CIT: variants seen among roughly 807,000 people sequenced by gnomAD.
The protein encoded by CIT is citron rho-interacting serine/threonine kinase, also known as citron Rho-interacting kinase.
A neutral mutation model predicts 272.7 loss-of-function variants in CIT; 79 were observed. The ratio of observed to expected loss-of-function variants is 0.29; its 90% CI spans 0.24 to 0.35. The LOEUF (loss-of-function observed/expected upper bound fraction) is 0.35, where lower values mean the gene tolerates loss of function less well. Among genes scored for constraint, CIT ranks in the 10% least tolerant of loss-of-function variants. The probability of loss-of-function intolerance (pLI) is 1.00; values close to 1 mark genes in which losing one functional copy is unlikely to be tolerated. For synonymous variants in CIT, 948 were observed against 995.6 expected (o/e 0.95, Z 0.90); for missense variants, 1,909 against 2,618.3 (o/e 0.73, Z 5.91).
At chr12:119,814,640 G>A (rs1966971296) in intron 9 of CIT, among the ~76,000 whole-genome samples, 1 of 152,206 alleles carries the variant, frequency 6.6e-6, no homozygotes, top group African/African-American at 2.4e-5. Context: ...TGATCCTCAT[G>A]GAACTAGCTT....
intron 46 of CIT, among the ~76,000 whole-genome samples, chr12:119,692,201 C>T (rs916240831): frequency 5.9e-5 from 9 of 152,170 alleles, no homozygotes; most frequent in African/African-American, 2.2e-4. Context: ...GTAGTCCTAG[C>T]TATTAGGAAG....
chr12:119,789,862 C>G (rs1368148853), intron 10 of CIT, among the ~76,000 whole-genome samples: 3 of 151,710 alleles, frequency 2.0e-5, no homozygotes, highest in Non-Finnish European at 2.9e-5. Context: ...CACGCCACCA[C>G]GCCCAGCAAA....
intron 23 of CIT, among the ~76,000 whole-genome samples, chr12:119,745,665 T>C (rs1036511309): frequency 1.5e-4 from 23 of 152,056 alleles, no homozygotes; most frequent in African/African-American, 5.6e-4. Context: ...AGAAGAGAAT[T>C]ATAACGTTCC....
At chr12:119,861,182 C>T (rs935687459) in intron 3 of CIT, among the ~76,000 whole-genome samples, 10 of 151,860 alleles carry the variant, frequency 6.6e-5, no homozygotes, top group African/African-American at 2.4e-4. Flanking sequence ...GACCCCAAAA[C>T]CGTCACATCA....
At chr12:119,722,419 C>T (rs749938035) in intron 28 of CIT, among the ~76,000 whole-genome samples, 1 of 152,182 alleles carries the variant, frequency 6.6e-6, no homozygotes, top group Non-Finnish European at 1.5e-5. Flanking sequence ...CAAACTCCTC[C>T]ATCCCAGCAG....
At chr12:119,797,699 G>A (rs905907220) in intron 10 of CIT, among the ~76,000 whole-genome samples, 1 of 152,214 alleles carries the variant, frequency 6.6e-6, no homozygotes, top group East Asian at 1.9e-4. Context: ...AGGACCAAGA[G>A]CCTTTGGCTG....
rs530805875 is a variant in CIT at position 119,768,684 on chromosome 12, A to C, written c.2209-1502T>G. On this transcript the variant is annotated intron_variant, in intron 18 of 47. Transcript: ENST00000392521. The surrounding 1 kb of genome is among the most constrained non-coding windows in gnomAD (Gnocchi z 4.3). ...ATGTGATCTTGAAGAGTTGAAAATA[A>C]ACAGGATTAATAAAAACATATTTTA... Among the ~76,000 whole-genome samples the C allele has an allele frequency of 8.7e-4, 132 of 152,354 alleles. 1 individual carries two copies. Among genetic ancestry groups the C allele is most frequent in the African/African-American group, 3.0e-3 (123 of 41,578 alleles).
At chr12:119,748,578 C>T (rs1028967610) in intron 23 of CIT, among the ~76,000 whole-genome samples, 13 of 152,146 alleles carry the variant, frequency 8.5e-5, no homozygotes, top group African/African-American at 2.9e-4. Context: ...GCTATCATGC[C>T]GATGGCTTAC....
At chr12:119,834,407 C>G (rs1330961099) in intron 5 of CIT, among the ~76,000 whole-genome samples, 179 bp from the exon 6 acceptor site, 1 of 152,218 alleles carries the variant, frequency 6.6e-6, no homozygotes, top group Non-Finnish European at 1.5e-5. Context: ...GAAATTACAT[C>G]TGTTACCCAG....
chr12:119,781,901 C>A (rs1414691037), intron 13 of CIT, among the ~76,000 whole-genome samples: 1 of 152,140 alleles, frequency 6.6e-6, no homozygotes, highest in African/African-American at 2.4e-5. Flanking sequence ...TTGTTTTTAA[C>A]CATCTAAAGC....
chr12:119,715,282 A>G (rs1047498338), intron 32 of CIT, among the ~76,000 whole-genome samples: 2 of 152,222 alleles, frequency 1.3e-5, no homozygotes, highest in Non-Finnish European at 2.9e-5. Flanking sequence ...CAGTGTGAAA[A>G]TGGACTAATG....
intron 25 of CIT, 134 bp downstream of exon 25, chr12:119,735,026 A>C (rs1457153725): frequency 2.5e-6 from 2 of 796,382 alleles, no homozygotes; most frequent in Non-Finnish European, 4.1e-6. Context: ...GCTTGGAAAA[A>C]AGACATGATT....
chr12:119,707,906 A>T (rs1414396368), intron 40 of CIT, among the ~76,000 whole-genome samples: 1 of 152,206 alleles, frequency 6.6e-6, no homozygotes, highest in Non-Finnish European at 1.5e-5. Context: ...CTTTGAAGCC[A>T]AGGATAATTA....
intron 40 of CIT, 66 bp from the exon 41 acceptor site, chr12:119,704,521 G>C: frequency 7.1e-7 from 1 of 1,400,742 alleles, no homozygotes. Flanking sequence ...GGCAAAACTA[G>C]GAAAAGCTCT....
At chr12:119,691,407 G>A (rs1955939164) in intron 46 of CIT, among the ~76,000 whole-genome samples, 2 of 152,126 alleles carry the variant, frequency 1.3e-5, no homozygotes, top group South Asian at 2.1e-4. Flanking sequence ...CCTGGGCCTC[G>A]TGTTTGGTCA....
chr12:119,868,038 G>A (rs1053131430), intron 3 of CIT, among the ~76,000 whole-genome samples: 1 of 152,138 alleles, frequency 6.6e-6, no homozygotes, highest in Non-Finnish European at 1.5e-5. Flanking sequence ...AAACCAGCCT[G>A]GGTAACATAG....
chr12:119,784,829 G>A lies in CIT; in HGVS notation c.1401+131C>T, dbSNP rs777086933. ...GAGCTGCTGGAGGCGCGACTTCAGCGAAGGCAGGAGCGCCTCACTCTCTAC... is the reference window on the plus strand; with the variant it reads ...GAGCTGCTGGAGGCGCGACTTCAGCAAAGGCAGGAGCGCCTCACTCTCTAC... On this transcript the variant is annotated intron_variant, in intron 11 of 47. Coordinates refer to ENST00000392521, the MANE Select transcript of CIT (RefSeq NM_001206999.2). The surrounding 1 kb of genome is among the most constrained non-coding windows in gnomAD (Gnocchi z 4.7). 1.2e-5 allele frequency: 17 copies of A among 1,449,262 alleles called. No homozygotes were observed. The highest frequency in any genetic ancestry group is 5.0e-5 in the East Asian group (2 of 39,814). The allele number at this position is 1,449,262 out of a possible 1,614,324, so 89.8% of individuals were successfully genotyped here. A position where few individuals can be genotyped will look rare whatever the true frequency, so the allele number is the denominator to read the frequency against.
chr12:119,834,127 A>G lies in CIT; in HGVS notation c.618T>C (p.Ile206=). Residue 206 remains isoleucine (I), a synonymous_variant, in exon 6 of 48, where the codon ATT becomes ATC. Transcript: ENST00000392521. The stretch of plus-strand genomic sequence containing the variant: ...TCAGATGAACGCTGTGAACAGCCAA[A>G]ATCAGCTCAGCTAGGTAAAACTGTA... The part of the protein sequence containing the change: ...NLIQFYLAEL[I]LAVHSVHLMG... The G allele has an allele frequency of 6.2e-7, 1 of 1,614,106 alleles. No individual in the cohort carries two copies. Among genetic ancestry groups the G allele is most frequent in the Non-Finnish European group, 8.5e-7 (1 of 1,179,998 alleles).
chr12:119,773,100 C>T (rs1355053891), intron 16 of CIT, among the ~76,000 whole-genome samples, 190 bp from the exon 17 acceptor site: 1 of 151,006 alleles, frequency 6.6e-6, no homozygotes, highest in African/African-American at 2.4e-5. Flanking sequence ...AACAAATACA[C>T]AATCATTTAA....
Sources: gnomAD v4.1 joint callset for allele counts (sites outside exome capture counted in the v4.1 genomes callset) on GRCh38, gnomAD v4.1.1 for gene constraint, Gnocchi (gnomAD v3.1) non-coding constraint, MANE v1.5 for transcripts, NCBI Gene and HGNC (gene_info 2026-07-23, HGNC 2026-07-21) for gene names.